DPP10: variants seen among roughly 807,000 people sequenced by gnomAD.
DPP10 encodes the protein dipeptidyl peptidase like 10.
DPP10 carries 33 observed loss-of-function variants against 120.9 expected under a neutral mutation model. The observed-to-expected ratio is 0.27, with a 90% confidence interval of 0.21 to 0.37. DPP10 has a LOEUF of 0.37. DPP10 is among the 10% of genes least tolerant of loss of function. The pLI is 1.00. For synonymous variants in DPP10, 337 were observed against 326.1 expected, an observed-to-expected ratio of 1.03 and a Z score of -0.36; for missense variants, 816 against 942.8, an observed-to-expected ratio of 0.87 and a Z score of 1.76.
intron 1 of DPP10, among the ~76,000 whole-genome samples, chr2:115,286,540 T>TATAA (rs1559367032): frequency 2.8e-5 from 3 of 107,342 alleles, no homozygotes; most frequent in South Asian, 2.7e-4. Flanking sequence ...TATATATATA[T>TATAA]AAAATATATA....
intron 3 of DPP10, among the ~76,000 whole-genome samples, chr2:115,365,644 C>G (rs907922243): frequency 6.6e-6 from 1 of 151,814 alleles, no homozygotes; most frequent in African/African-American, 2.4e-5. Context: ...AACCAGAAAG[C>G]GTTTTAGAGA....
chr2:114,584,224 T>C (rs1469902214), intron 1 of DPP10, among the ~76,000 whole-genome samples: 1 of 152,180 alleles, frequency 6.6e-6, no homozygotes. Context: ...TATGTGTGCA[T>C]GTATGTGTAG....
At chr2:114,804,198 T>C (rs1378626283) in intron 1 of DPP10, among the ~76,000 whole-genome samples, 6 of 152,256 alleles carry the variant, frequency 3.9e-5, no homozygotes, top group Admixed American at 1.3e-4. Context: ...AAGTCAAGAA[T>C]TGAGGTTTGG....
At chr2:115,084,620 A>T (rs902972117) in intron 1 of DPP10, among the ~76,000 whole-genome samples, 17 of 152,188 alleles carry the variant, frequency 1.1e-4, no homozygotes, top group Non-Finnish European at 2.1e-4. Flanking sequence ...GCTAGCTCAG[A>T]TTTATCTTGG....
At chr2:115,259,666 CTGTACCTAGACATATTGCTGCCCTA>C (rs1214396905) in intron 1 of DPP10, among the ~76,000 whole-genome samples, 13 of 152,216 alleles carry the variant, frequency 8.5e-5, no homozygotes, top group South Asian at 6.2e-4. Flanking sequence ...TATTTATAGT[CTGTACCTAGACATATTGCTGCCCTA>C]TGTACCTAGA....
intron 7 of DPP10, among the ~76,000 whole-genome samples, chr2:115,698,417 A>G (rs1048007870): frequency 1.3e-5 from 2 of 152,214 alleles, no homozygotes; most frequent in Admixed American, 6.5e-5. Flanking sequence ...TGGTGTTCCC[A>G]CAAAATTTAT....
Position 114,714,510 on chromosome 2 carries a change from T to C in DPP10, c.60+271672T>C, listed in dbSNP as rs146058489. The stretch of plus-strand genomic sequence containing the variant: ...AAAAGAGTGAGTGATTCAGTCACAC[T>C]GATGGCTCTAAACGGAGAAAAGCCT... On this transcript the variant is annotated intron_variant, in intron 1 of 25. Coordinates refer to ENST00000410059, the MANE Select transcript of DPP10 (RefSeq NM_020868.6). Among the ~76,000 whole-genome samples, 129 of 152,278 alleles carry C rather than the reference T, an allele frequency of 8.5e-4. 1 individual carries two copies. The East Asian group carries it at 0.021, about 25-fold the overall frequency.
At chr2:114,787,049 A>G (rs1048115965) in intron 1 of DPP10, among the ~76,000 whole-genome samples, 1 of 152,194 alleles carries the variant, frequency 6.6e-6, no homozygotes, top group Non-Finnish European at 1.5e-5. Context: ...GAGACAGACA[A>G]AAAGGAGTGT....
chr2:115,140,293 G>A (rs1398619482), intron 1 of DPP10, among the ~76,000 whole-genome samples: 2 of 152,134 alleles, frequency 1.3e-5, no homozygotes, highest in Non-Finnish European at 2.9e-5. Flanking sequence ...TGTACTACTG[G>A]CAAAGGAAAC....
At chr2:114,467,245 A>C (rs1342745230) in intron 1 of DPP10, among the ~76,000 whole-genome samples, 3 of 152,200 alleles carry the variant, frequency 2.0e-5, no homozygotes, top group Non-Finnish European at 2.9e-5. Flanking sequence ...AGGAATTGCA[A>C]ACTCAATTGC....
chr2:114,801,029 C>T (rs376072106), intron 1 of DPP10, among the ~76,000 whole-genome samples: 31 of 151,570 alleles, frequency 2.0e-4, no homozygotes, highest in Admixed American at 5.9e-4. Flanking sequence ...TTTGGGAGGC[C>T]GAGGAGGGCA....
chr2:115,223,547 A>C (rs2057286199), intron 1 of DPP10, among the ~76,000 whole-genome samples: 1 of 152,178 alleles, frequency 6.6e-6, no homozygotes, highest in Admixed American at 6.6e-5. Context: ...AATAGTTTTA[A>C]TAAACTGTGT....
At chr2:115,089,673 C>T (rs758098248) in intron 1 of DPP10, among the ~76,000 whole-genome samples, 2 of 152,182 alleles carry the variant, frequency 1.3e-5, no homozygotes, top group Non-Finnish European at 2.9e-5. Context: ...AACACAAGAG[C>T]AGAATCAAGA....
At chr2:114,558,907 G>T (rs1688534612) in intron 1 of DPP10, among the ~76,000 whole-genome samples, 1 of 152,108 alleles carries the variant, frequency 6.6e-6, no homozygotes, top group South Asian at 2.1e-4. Context: ...CAATTAATTT[G>T]TATTGGGTAT....
chr2:115,090,089 C>T (rs1709115931), intron 1 of DPP10, among the ~76,000 whole-genome samples: 1 of 151,652 alleles, frequency 6.6e-6, no homozygotes. Context: ...TTGTGATCCA[C>T]AATTATTCCC....
At chr2:115,248,528 A>C (rs1190411814) in intron 1 of DPP10, among the ~76,000 whole-genome samples, 1 of 152,100 alleles carries the variant, frequency 6.6e-6, no homozygotes, top group Non-Finnish European at 1.5e-5. Flanking sequence ...ACCTGCTGCT[A>C]CGTTAGTTAT....
In DPP10 at chr2:114,849,425, C is replaced by T. The variant is rs763583363; in HGVS notation, c.60+406587C>T. Among the ~76,000 whole-genome samples, 7 of 152,234 alleles carry T rather than the reference C, an allele frequency of 4.6e-5. No homozygotes were observed. The East Asian group carries it at 5.8e-4, about 13-fold the overall frequency. On this transcript the variant is annotated intron_variant, in intron 1 of 25. Transcript: ENST00000410059. ...AATACAGTGGCACAATCATGGCTCA[C>T]GGCAGCCTCAACCTCCTGGGCTCAA...
chr2:115,459,390 C>T (rs1444692331), intron 3 of DPP10, among the ~76,000 whole-genome samples: 1 of 152,068 alleles, frequency 6.6e-6, no homozygotes, highest in Non-Finnish European at 1.5e-5. Flanking sequence ...CTCTTGACCT[C>T]AGGTGATCCA....
intron 1 of DPP10, among the ~76,000 whole-genome samples, chr2:115,223,651 A>G (rs2057292432): frequency 6.6e-6 from 1 of 152,132 alleles, no homozygotes; most frequent in African/African-American, 2.4e-5. Flanking sequence ...AGGAACGAGT[A>G]AACGAAAATG....
Sources: gnomAD v4.1 joint callset for allele counts (sites outside exome capture counted in the v4.1 genomes callset) on GRCh38, gnomAD v4.1.1 for gene constraint, MANE v1.5 for transcripts, NCBI Gene and HGNC (gene_info 2026-07-23, HGNC 2026-07-21) for gene names.